Variants in PLEKHG1 observed in about 807,000 individuals in gnomAD.
The protein encoded by PLEKHG1 is pleckstrin homology and RhoGEF domain containing G1.
Under a neutral mutation model 100.8 loss-of-function variants are expected in PLEKHG1, and 44 were observed. The observed-to-expected ratio is 0.44, with a 90% CI of 0.34 to 0.56. The LOEUF (loss-of-function observed/expected upper bound fraction) is 0.56, where lower values mean the gene tolerates loss of function less well. Ranked by LOEUF, PLEKHG1 falls within the 20% of genes least tolerant of loss-of-function variation. PLEKHG1 has a pLI of 0.01. For synonymous variants in PLEKHG1, 640 were observed against 662.5 expected, an observed-to-expected ratio of 0.97 and a Z score of 0.52; for missense variants, 1,545 against 1,720.9, an observed-to-expected ratio of 0.90 and a Z score of 1.81.
chr6:150,701,162 A>G (rs1404603870), intron 3 of PLEKHG1, among the ~76,000 whole-genome samples: 1 of 151,402 alleles, frequency 6.6e-6, no homozygotes, highest in Non-Finnish European at 1.5e-5. Flanking sequence ...TCTACTAAAA[A>G]TACAAAAATT....
At chr6:150,673,406 A>C (rs987022860) in intron 3 of PLEKHG1, among the ~76,000 whole-genome samples, 2 of 152,206 alleles carry the variant, frequency 1.3e-5, no homozygotes, top group Non-Finnish European at 2.9e-5. Flanking sequence ...GTTTAGCTGA[A>C]GATCTTGGTA....
chr6:150,658,002 A>G (rs1582898122), intron 3 of PLEKHG1, among the ~76,000 whole-genome samples: 2 of 152,346 alleles, frequency 1.3e-5, no homozygotes, highest in East Asian at 3.9e-4. Context: ...TTAAGAAGTC[A>G]ATAAAACAAA....
intron 3 of PLEKHG1, among the ~76,000 whole-genome samples, chr6:150,677,063 C>T (rs1426115117): frequency 6.6e-6 from 1 of 152,124 alleles, no homozygotes; most frequent in African/African-American, 2.4e-5. Flanking sequence ...AGGCTGCCAC[C>T]ACCTCTTCCT....
rs541204079 is a variant in PLEKHG1, at chr6:150,656,307, G to T, written c.-99+5521G>T. On this transcript the variant is annotated intron_variant, in intron 3 of 3. Transcript: ENST00000367326. Reference sequence around the variant, plus strand: ...AAAAAAATACTTGTTTTCTCTCAAAGGGGTGACCTTTGGAACGAGGAAGGA... The same window carrying T: ...AAAAAAATACTTGTTTTCTCTCAAATGGGTGACCTTTGGAACGAGGAAGGA... Among the ~76,000 whole-genome samples the T allele has an allele frequency of 9.9e-5, 15 of 152,280 alleles. No individual in the cohort carries two copies. The South Asian group carries it at 3.1e-3, about 32-fold the overall frequency.
chr6:150,659,020 A>G (rs1779078680), intron 3 of PLEKHG1, among the ~76,000 whole-genome samples: 1 of 152,212 alleles, frequency 6.6e-6, no homozygotes, highest in African/African-American at 2.4e-5. Flanking sequence ...GCAGTTTTTG[A>G]AACAGTTTGA....
At chr6:150,762,339 G>A (rs1460110036) in intron 2 of PLEKHG1, among the ~76,000 whole-genome samples, 2 of 149,590 alleles carry the variant, frequency 1.3e-5, no homozygotes, top group South Asian at 2.1e-4. Flanking sequence ...ACAGGTGCCC[G>A]CCACCAAGCC....
At chr6:150,836,623 C>G (rs1004214714) in intron 15 of PLEKHG1, among the ~76,000 whole-genome samples, 2 of 151,940 alleles carry the variant, frequency 1.3e-5, no homozygotes, top group East Asian at 3.9e-4. Context: ...TTGTGACCAG[C>G]CTGGGCAACA....
At chr6:150,774,836 A>G (rs537676574) in intron 3 of PLEKHG1, among the ~76,000 whole-genome samples, 1 of 151,828 alleles carries the variant, frequency 6.6e-6, no homozygotes, top group Admixed American at 6.6e-5. Context: ...ATCCCAATTT[A>G]TTTATATTTT....
chr6:150,762,865 GAAGA>G (rs1784236367), intron 2 of PLEKHG1, among the ~76,000 whole-genome samples: 1 of 152,070 alleles, frequency 6.6e-6, no homozygotes. Context: ...GGCTTATTTG[GAAGA>G]AAGATAAAGG....
At chr6:150,610,094 C>A (rs1340228204) in intron 1 of PLEKHG1, among the ~76,000 whole-genome samples, 1 of 151,966 alleles carries the variant, frequency 6.6e-6, no homozygotes, top group Non-Finnish European at 1.5e-5. Context: ...TCTATTTTAG[C>A]TCTTTCCTTC....
rs566768800 is a variant in PLEKHG1, at chr6:150,840,935, T to G, written c.*39T>G. The G allele has an allele frequency of 3.5e-5, 52 of 1,485,874 alleles. 2 individuals carry two copies. In the South Asian group the frequency reaches 5.9e-4, roughly 17 times the overall value. 92.0% of individuals were successfully genotyped at this position (1,485,874 alleles called of 1,614,324 possible). A position where few individuals can be genotyped will look rare whatever the true frequency, so the allele number is the denominator to read the frequency against. On this transcript the variant is annotated 3_prime_UTR_variant, in exon 16 of 16. Coordinates refer to ENST00000358517, the Ensembl canonical transcript of PLEKHG1. ...AACTGCTTGAATCAACTTCTTATTT[T>G]GCTCATAAAACGTTACAGATACTGA...
At chr6:150,774,531 ATTTTTTTT>A (rs61521577) in intron 3 of PLEKHG1, among the ~76,000 whole-genome samples, 10 of 87,140 alleles carry the variant, frequency 1.1e-4, no homozygotes, top group Middle Eastern at 0.012. Context: ...ATTAGTTTGA[ATTTTTTTT>A]TTTTTTTTTT....
At chr6:150,705,908 TG>T (rs1351412385) in intron 3 of PLEKHG1, among the ~76,000 whole-genome samples, 1 of 152,200 alleles carries the variant, frequency 6.6e-6, no homozygotes, top group Non-Finnish European at 1.5e-5. Flanking sequence ...GGAAAAATGC[TG>T]CTGATGAACT....
chr6:150,742,835 G>A (rs1478177317), intron 2 of PLEKHG1, among the ~76,000 whole-genome samples: 1 of 152,148 alleles, frequency 6.6e-6, no homozygotes, highest in Non-Finnish European at 1.5e-5. Flanking sequence ...CTTTGCAAGT[G>A]TTCAGGTGAG....
upstream of PLEKHG1, among the ~76,000 whole-genome samples, chr6:150,717,806 TG>T (rs1781499493): frequency 6.6e-6 from 1 of 152,236 alleles, no homozygotes; most frequent in African/African-American, 2.4e-5. Flanking sequence ...CTAGGCACAG[TG>T]GCTCACACCT....
chr6:150,808,146 A>G (rs1202223683), intron 7 of PLEKHG1, among the ~76,000 whole-genome samples: 3 of 152,190 alleles, frequency 2.0e-5, no homozygotes, highest in Non-Finnish European at 4.4e-5. Context: ...TTTATTATGC[A>G]TTGTATGCCT....
At chr6:150,685,103 C>T (rs1325233310) in intron 3 of PLEKHG1, among the ~76,000 whole-genome samples, 2 of 152,090 alleles carry the variant, frequency 1.3e-5, no homozygotes, top group Non-Finnish European at 2.9e-5. Context: ...ACCTCCTGAT[C>T]CTGTCTCCAA....
intron 3 of PLEKHG1, among the ~76,000 whole-genome samples, chr6:150,700,835 C>T (rs1780743037): frequency 6.6e-6 from 1 of 152,126 alleles, no homozygotes; most frequent in Non-Finnish European, 1.5e-5. Flanking sequence ...GGCAAAACAG[C>T]ACCTGGCACT....
chr6:150,653,052 G>A (rs758667906), intron 3 of PLEKHG1, among the ~76,000 whole-genome samples: 21 of 152,136 alleles, frequency 1.4e-4, no homozygotes, highest in African/African-American at 2.2e-4. Context: ...TGGCAAGAAA[G>A]TCCCAGAAGT....
Sources: allele counts gnomAD v4.1 joint callset (sites outside exome capture counted in the v4.1 genomes callset), GRCh38; gene constraint gnomAD v4.1.1; transcripts MANE v1.5; gene names NCBI Gene and HGNC (gene_info 2026-07-23, HGNC 2026-07-21).